The following NEK5 variants were observed in gnomAD, a reference collection of about 807,000 sequenced individuals.
NEK5 encodes NIMA related kinase 5.
A neutral mutation model predicts 109.2 loss-of-function variants in NEK5; 88 were observed. The observed-to-expected ratio is 0.81, with a 90% confidence interval of 0.68 to 0.96. NEK5 has a LOEUF of 0.96. Ranked by LOEUF, NEK5 falls within the 40% of genes least tolerant of loss-of-function variation. The pLI is 0.00. For missense variants in NEK5, 834 were observed against 920.7 expected, an observed-to-expected ratio of 0.91 and a Z score of 1.22; for synonymous variants, 283 against 299.9, an observed-to-expected ratio of 0.94 and a Z score of 0.58.
In NEK5 at chr13:52,089,262, T is replaced by C; in HGVS notation, c.1260A>G (p.Lys420=). Residue 420 remains lysine, a synonymous_variant, in exon 14 of 24, where the codon AAA becomes AAG. Coordinates refer to ENST00000684899, the MANE Select transcript of NEK5 (RefSeq NM_001365552.1). The stretch of plus-strand genomic sequence containing the variant: ...TTTTACTTACCAATTGCTTCTCCAC[T>C]TTCAACTTATATTGTTGAGCTTCAA... ...RKFEAQQYKL[K]VEKQLGLRPS... 2 of 1,601,278 alleles carry C rather than the reference T, an allele frequency of 1.2e-6. No individual in the cohort carries two copies. Among genetic ancestry groups the C allele is most frequent in the Non-Finnish European group, 1.7e-6 (2 of 1,168,806 alleles).
In NEK5 at chr13:52,047,670, G is replaced by A. The variant is rs187948154; in HGVS notation, c.2228+2434C>T. On this transcript the variant is annotated intron_variant, in intron 23 of 23. Transcript: ENST00000684899. ...AGCCTGGGCAACATAGCAAGACCCC[G>A]TCTCTACAAAAAACAAAAAAATTAG... is the stretch of plus-strand genomic sequence containing the variant. Among the ~76,000 whole-genome samples the A allele has an allele frequency of 3.1e-4, 47 of 151,998 alleles. No individual in the cohort carries two copies. In the East Asian group the frequency reaches 4.3e-3, roughly 14 times the overall value.
chr13:52,082,728 C>T (rs963773194), intron 17 of NEK5, among the ~76,000 whole-genome samples: 5 of 152,306 alleles, frequency 3.3e-5, no homozygotes, highest in Non-Finnish European at 5.9e-5. Context: ...GAGAGTGGAA[C>T]GTTCTTATAC....
intron 8 of NEK5, among the ~76,000 whole-genome samples, chr13:52,106,141 T>A (rs961973617): frequency 6.6e-6 from 1 of 151,296 alleles, no homozygotes; most frequent in Non-Finnish European, 1.5e-5. Flanking sequence ...CCTGCACAAC[T>A]AACTTGAGGC....
chr13:52,066,697 G>A (rs796906945), intron 20 of NEK5, among the ~76,000 whole-genome samples: 11 of 151,682 alleles, frequency 7.3e-5, no homozygotes, highest in African/African-American at 2.4e-4. Context: ...CCAGCTACTC[G>A]GGAGGCTGAG....
chr13:52,038,969 T>C (rs1452321616), intron 23 of NEK5, among the ~76,000 whole-genome samples: 4 of 151,978 alleles, frequency 2.6e-5, no homozygotes, highest in Non-Finnish European at 5.9e-5. Flanking sequence ...GTTGGGCATG[T>C]TTATATGCTG....
chr13:52,079,878 T>C (rs898404779), intron 17 of NEK5, among the ~76,000 whole-genome samples: 1 of 141,956 alleles, frequency 7.0e-6, no homozygotes, highest in Non-Finnish European at 1.5e-5. Flanking sequence ...CGGCCGCCCA[T>C]CGTCTGAGAT....
chr13:52,125,804 C>T (rs1956054615), intron 3 of NEK5, among the ~76,000 whole-genome samples: 1 of 151,984 alleles, frequency 6.6e-6, no homozygotes, highest in Non-Finnish European at 1.5e-5. Flanking sequence ...GTCAGATAAA[C>T]AAAAGAGAGT....
chr13:52,088,100 GT>G (rs770940441), intron 14 of NEK5, among the ~76,000 whole-genome samples: 4 of 150,212 alleles, frequency 2.7e-5, no homozygotes, highest in African/African-American at 4.9e-5. Context: ...GGTAATTTTT[GT>G]TTTTTTTGGT....
intron 20 of NEK5, among the ~76,000 whole-genome samples, chr13:52,066,924 C>T (rs1220500698): frequency 6.6e-6 from 1 of 151,994 alleles, no homozygotes; most frequent in East Asian, 1.9e-4. Context: ...TCTGATTTCA[C>T]AATCTTCCCC....
At chr13:52,116,909 A>C (rs1955870988) in intron 4 of NEK5, among the ~76,000 whole-genome samples, 1 of 152,068 alleles carries the variant, frequency 6.6e-6, no homozygotes, top group Non-Finnish European at 1.5e-5. Flanking sequence ...AACCAATAAA[A>C]ACATCCTATT....
At chr13:52,058,419 C>A (rs1319706775) in intron 22 of NEK5, among the ~76,000 whole-genome samples, 1 of 147,550 alleles carries the variant, frequency 6.8e-6, no homozygotes, top group Non-Finnish European at 1.5e-5. Context: ...ATCAAGCTAC[C>A]AATGACTTTC....
intron 17 of NEK5, among the ~76,000 whole-genome samples, chr13:52,079,581 C>A (rs376735397): frequency 6.6e-6 from 1 of 152,276 alleles, no homozygotes; most frequent in Non-Finnish European, 1.5e-5. Context: ...GGATTGCAGA[C>A]GGAGTCTGGT....
At chr13:52,065,252 C>T in intron 21 of NEK5, 1 of 590,286 alleles carries the variant, frequency 1.7e-6, no homozygotes, top group East Asian at 2.7e-5. Context: ...AGGTGGCATC[C>T]TGGATTTTTC....
intron 4 of NEK5, among the ~76,000 whole-genome samples, chr13:52,117,173 C>T (rs1019150783): frequency 6.6e-6 from 1 of 152,212 alleles, no homozygotes; most frequent in Non-Finnish European, 1.5e-5. Context: ...CCCGCCTCGG[C>T]CTCCCAGGGT....
At chr13:52,105,226 G>A (rs1392755279) in intron 8 of NEK5, among the ~76,000 whole-genome samples, 1 of 149,442 alleles carries the variant, frequency 6.7e-6, no homozygotes, top group Non-Finnish European at 1.5e-5. Context: ...TAGCAGCAAT[G>A]CTTTGTGCAT....
At chr13:52,066,128 A>G (rs1328982110) in intron 20 of NEK5, among the ~76,000 whole-genome samples, 1 of 152,132 alleles carries the variant, frequency 6.6e-6, no homozygotes, top group African/African-American at 2.4e-5. Context: ...CACATACTAC[A>G]TGTCCTCTCA....
Position 52,034,494 on chromosome 13 carries a change from AC to A in NEK5, c.*2453del, listed in dbSNP as rs2140860568. On this transcript the variant is annotated 3_prime_UTR_variant, in exon 24 of 24. Coordinates refer to ENST00000684899, the MANE Select transcript of NEK5 (RefSeq NM_001365552.1). ...TTTTATCATGGGAACAAACCCGATA[AC>A]CTGACATGCTTTTTTTTTTTTTTTT... is the stretch of plus-strand genomic sequence containing the variant. 6.7e-6 allele frequency: 1 copy of A among 149,302 alleles called. No homozygotes were observed. Among genetic ancestry groups the A allele is most frequent in the African/African-American group, 2.5e-5 (1 of 40,422 alleles). The allele number at this position is 149,302 out of a possible 1,614,324, so 9.2% of individuals were successfully genotyped here.
rs910460700 is a variant in NEK5 at position 52,068,803 on chromosome 13, C to G, written c.1849+3141G>C. On this transcript the variant is annotated intron_variant, in intron 20 of 23. Coordinates refer to ENST00000684899, the MANE Select transcript of NEK5 (RefSeq NM_001365552.1). ...TGGCAAACATGGTGAAACCTCATCT[C>G]TACTAAAAATATTTTAAAAATCAGC... 5.9e-5 allele frequency among the ~76,000 whole-genome samples: 9 copies of G among 152,024 alleles called. No individual in the cohort carries two copies. In the East Asian group the frequency reaches 1.7e-3, roughly 29 times the overall value.
chr13:52,104,149 G>A (rs893456918), intron 9 of NEK5, among the ~76,000 whole-genome samples: 1 of 151,616 alleles, frequency 6.6e-6, no homozygotes, highest in Non-Finnish European at 1.5e-5. Flanking sequence ...TAGTAGAGAC[G>A]GGGTGTCACC....
Sources: gnomAD v4.1 joint callset for allele counts (sites outside exome capture counted in the v4.1 genomes callset) on GRCh38, gnomAD v4.1.1 for gene constraint, MANE v1.5 for transcripts, NCBI Gene and HGNC (gene_info 2026-07-23, HGNC 2026-07-21) for gene names.